Variants in THADA observed in about 807,000 individuals in gnomAD.
THADA encodes tRNA (32-2'-O)-methyltransferase regulator THADA.
Under a neutral mutation model 219.8 loss-of-function variants are expected in THADA, and 213 were observed. That is an observed-to-expected ratio of 0.97 (90% CI 0.87 to 1.09). The LOEUF (loss-of-function observed/expected upper bound fraction) is 1.09, where lower values mean the gene tolerates loss of function less well. Among genes scored for constraint, THADA ranks in the 50% least tolerant of loss-of-function variants. THADA has a pLI of 0.00. For synonymous variants in THADA, 1,018 were observed against 828.9 expected, an observed-to-expected ratio of 1.23 and a Z score of -3.92; for missense variants, 2,956 against 2,311.3, an observed-to-expected ratio of 1.28 and a Z score of -5.72.
chr2:43,400,908 T>A (rs57660224), intron 28 of THADA, among the ~76,000 whole-genome samples: 162 of 152,234 alleles, frequency 1.1e-3, no homozygotes, highest in African/African-American at 3.7e-3. Context: ...ATGTTGATAA[T>A]ATGAAGGCAA....
At position 43,389,912 on chromosome 2, in the gene THADA, T is replaced by A. The variant is rs1673146998; in HGVS notation, c.4227+8059A>T. Among the ~76,000 whole-genome samples, 2 of 152,200 alleles carry A rather than the reference T, an allele frequency of 1.3e-5. 1 individual carries two copies. Among genetic ancestry groups the A allele is most frequent in the South Asian group, 4.1e-4 (2 of 4,828 alleles). ...TATTTCTGTGTAATTGTCTGCAGTGTCAATGGTTTATTTTCCAGGTAGCTC... is the reference window on the plus strand; with the variant it reads ...TATTTCTGTGTAATTGTCTGCAGTGACAATGGTTTATTTTCCAGGTAGCTC... On this transcript the variant is annotated intron_variant, in intron 29 of 37. Coordinates refer to ENST00000405975, the MANE Select transcript of THADA (RefSeq NM_022065.5).
intron 36 of THADA, among the ~76,000 whole-genome samples, chr2:43,260,527 G>C (rs1034439749): frequency 4.6e-5 from 7 of 152,092 alleles, no homozygotes; most frequent in African/African-American, 1.7e-4. Context: ...GATCACTTGA[G>C]CCCAGGAGGT....
At chr2:43,323,045 T>C (rs1374959592) in intron 30 of THADA, among the ~76,000 whole-genome samples, 2 of 152,182 alleles carry the variant, frequency 1.3e-5, no homozygotes, top group African/African-American at 4.8e-5. Context: ...TGGCTTACTA[T>C]ATACTCGGTT....
In THADA at chr2:43,430,208, C is replaced by T; in HGVS notation, c.3926+5G>A. ...TCATTTTGCCCCACCCAATTCTCTT[C>T]TTACCTGTCTACTGTATTGGCTACA... On this transcript the variant is annotated splice_donor_5th_base_variant and intron_variant, in intron 27 of 37. Coordinates refer to ENST00000405975, the MANE Select transcript of THADA (RefSeq NM_022065.5). The T allele has an allele frequency of 6.7e-7, 1 of 1,493,442 alleles. No homozygotes were observed. Among genetic ancestry groups the T allele is most frequent in the Non-Finnish European group, 9.0e-7 (1 of 1,113,494 alleles). 92.5% of individuals were successfully genotyped at this position (1,493,442 alleles called of 1,614,324 possible).
chr2:43,371,475 C>T (rs1412309339), intron 29 of THADA, among the ~76,000 whole-genome samples: 2 of 152,064 alleles, frequency 1.3e-5, no homozygotes, highest in Non-Finnish European at 1.5e-5. Context: ...AAGAGCAATG[C>T]TCAGTTTTTG....
intron 22 of THADA, among the ~76,000 whole-genome samples, chr2:43,514,827 CAA>C (rs1242753162): frequency 1.6e-5 from 1 of 63,786 alleles, no homozygotes; most frequent in African/African-American, 7.6e-5. Flanking sequence ...ATAATATGTA[CAA>C]TATATATTTT....
At chr2:43,233,926 A>T (rs1667732877) in intron 36 of THADA, among the ~76,000 whole-genome samples, 1 of 151,946 alleles carries the variant, frequency 6.6e-6, no homozygotes, top group Non-Finnish European at 1.5e-5. Flanking sequence ...AGCCCTGATC[A>T]CTCCCAAATC....
intron 31 of THADA, among the ~76,000 whole-genome samples, chr2:43,296,570 C>T (rs1206379300): frequency 6.6e-6 from 1 of 152,160 alleles, no homozygotes; most frequent in Non-Finnish European, 1.5e-5. Flanking sequence ...GCCACTGAGC[C>T]CAGCCAGGCA....
At chr2:43,572,680 G>C in intron 12 of THADA, 134 bp downstream of exon 12, 1 of 678,812 alleles carries the variant, frequency 1.5e-6, no homozygotes. Context: ...TTAGTTGGGA[G>C]ACTAGGGTTT....
At position 43,292,875 on chromosome 2, in the gene THADA, A is replaced by G. The variant is rs767147011; in HGVS notation, c.4777T>C (p.Leu1593=). ...GGGTGATTTTCCTTCATGGCCAACA[A>G]TAAGAACTTCTCTCCCATGTTGCAC... ...LLCNMGEKFL[L]LAMKENHPEC... Residue 1593 remains leucine (L), a synonymous_variant, in exon 32 of 38, where the codon TTG becomes CTG. Coordinates refer to ENST00000405975, the MANE Select transcript of THADA (RefSeq NM_022065.5). The G allele has an allele frequency of 1.2e-6, 2 of 1,613,832 alleles. No individual in the cohort carries two copies. Among genetic ancestry groups the G allele is most frequent in the Non-Finnish European group, 1.7e-6 (2 of 1,179,882 alleles).
intron 31 of THADA, among the ~76,000 whole-genome samples, chr2:43,301,022 A>G (rs951158990): frequency 2.0e-5 from 3 of 152,340 alleles, no homozygotes; most frequent in Admixed American, 1.3e-4. Context: ...TAATGATATT[A>G]AAACCACACA....
chr2:43,450,072 G>A lies in THADA; in HGVS notation c.3837-19770C>T, dbSNP rs143544608. On this transcript the variant is annotated intron_variant, in intron 26 of 37. Transcript: ENST00000405975. ...ATAAAAGGACACTGGACAGGAACTTGAAGTCACATGAAAAATAAAGATCTC... is the reference window on the plus strand; with the variant it reads ...ATAAAAGGACACTGGACAGGAACTTAAAGTCACATGAAAAATAAAGATCTC... Among the ~76,000 whole-genome samples, 71 of 152,248 alleles carry A rather than the reference G, an allele frequency of 4.7e-4. 2 individuals are homozygous for A. In the East Asian group the frequency reaches 0.011, roughly 23 times the overall value.
intron 36 of THADA, among the ~76,000 whole-genome samples, chr2:43,270,148 G>T (rs747335459): frequency 6.6e-6 from 1 of 152,188 alleles, no homozygotes; most frequent in Non-Finnish European, 1.5e-5. Context: ...GGACAGTAGA[G>T]AGGTACTGTC....
chr2:43,495,530 T>A (rs1281633293), intron 25 of THADA, among the ~76,000 whole-genome samples: 2 of 152,094 alleles, frequency 1.3e-5, no homozygotes, highest in Non-Finnish European at 2.9e-5. Flanking sequence ...ATTTAACAGG[T>A]GACTTTTACT....
intron 30 of THADA, among the ~76,000 whole-genome samples, chr2:43,339,216 C>T (rs746157629): frequency 2.0e-5 from 3 of 152,152 alleles, no homozygotes; most frequent in South Asian, 2.1e-4. Flanking sequence ...AAGGGGAAAA[C>T]GGTGAAAAAA....
chr2:43,253,188 G>T (rs933708312), intron 36 of THADA, among the ~76,000 whole-genome samples: 2 of 152,210 alleles, frequency 1.3e-5, no homozygotes, highest in Non-Finnish European at 2.9e-5. Context: ...GTATGAGAAG[G>T]AGCCACTGGA....
intron 30 of THADA, chr2:43,333,218 A>G (rs992356636): frequency 5.3e-5 from 8 of 152,250 alleles, no homozygotes; most frequent in African/African-American, 1.7e-4. Context: ...AAACACAAAC[A>G]GGATCTCATC....
At chr2:43,326,358 A>G (rs536775582) in intron 30 of THADA, among the ~76,000 whole-genome samples, 78 of 152,316 alleles carry the variant, frequency 5.1e-4, no homozygotes, top group African/African-American at 1.8e-3. Flanking sequence ...AGTGACCACA[A>G]CAGAGGAAGT....
At chr2:43,231,499 C>T (rs1667414510) in intron 37 of THADA, among the ~76,000 whole-genome samples, 156 bp from the exon 38 acceptor site, 1 of 152,212 alleles carries the variant, frequency 6.6e-6, no homozygotes, top group South Asian at 2.1e-4. Context: ...GTACACACAC[C>T]ACTTGCAGCC....
Sources: gnomAD v4.1 joint callset for allele counts (sites outside exome capture counted in the v4.1 genomes callset) on GRCh38, gnomAD v4.1.1 for gene constraint, MANE v1.5 for transcripts, NCBI Gene and HGNC (gene_info 2026-07-23, HGNC 2026-07-21) for gene names.